Variants in PIGN observed in about 807,000 individuals in gnomAD.
PIGN encodes GPI ethanolamine phosphate transferase 1.
PIGN carries 117 observed loss-of-function variants against 125.4 expected under a neutral mutation model. The observed-to-expected ratio is 0.93, with a 90% CI of 0.80 to 1.09. The LOEUF (loss-of-function observed/expected upper bound fraction) is 1.09. Among genes scored for constraint, PIGN ranks in the 50% least tolerant of loss-of-function variants. PIGN has a pLI of 0.00. For missense variants in PIGN, 1,075 were observed against 1,094.9 expected (o/e 0.98, Z 0.26); for synonymous variants, 392 against 377.8 (o/e 1.04, Z -0.44).
chr18:62,060,991 C>A (rs1273897036), intron 30 of PIGN, among the ~76,000 whole-genome samples: 2 of 152,054 alleles, frequency 1.3e-5, no homozygotes, highest in Admixed American at 6.5e-5. Flanking sequence ...ATGGCCTGGG[C>A]AGGATATTTT....
intron 28 of PIGN, among the ~76,000 whole-genome samples, chr18:62,076,868 C>T (rs2033198916): frequency 6.6e-6 from 1 of 152,108 alleles, no homozygotes; most frequent in Non-Finnish European, 1.5e-5. Flanking sequence ...AATGGTCATC[C>T]AGTACAACCT....
chr18:62,169,729 T>A (rs1315069940), intron 1 of PIGN, among the ~76,000 whole-genome samples: 1 of 152,132 alleles, frequency 6.6e-6, no homozygotes, highest in Non-Finnish European at 1.5e-5. Context: ...CAAGTGATCC[T>A]CCCACCTCAG....
At chr18:62,077,946 T>TTA (rs2033257396) in intron 28 of PIGN, among the ~76,000 whole-genome samples, 2 of 152,218 alleles carry the variant, frequency 1.3e-5, no homozygotes, top group Admixed American at 6.5e-5. Flanking sequence ...TAGGTTCACA[T>TTA]GTTATCTCTT....
chr18:62,140,737 C>A (rs2036104651), intron 11 of PIGN, among the ~76,000 whole-genome samples: 1 of 152,034 alleles, frequency 6.6e-6, no homozygotes, highest in African/African-American at 2.4e-5. Context: ...ATTACTTATC[C>A]TATTAGCTAA....
At chr18:62,059,381 A>G (rs1047776999) in intron 30 of PIGN, among the ~76,000 whole-genome samples, 1 of 152,118 alleles carries the variant, frequency 6.6e-6, no homozygotes, top group African/African-American at 2.4e-5. Flanking sequence ...ATTAAAAGCA[A>G]CAAGGACCAT....
intron 29 of PIGN, 119 bp downstream of exon 29, chr18:62,074,660 C>A: frequency 1.7e-6 from 1 of 596,632 alleles, no homozygotes. Flanking sequence ...TAAATTATGC[C>A]AGCACTTACA....
intron 14 of PIGN, among the ~76,000 whole-genome samples, chr18:62,121,691 A>G (rs2035311787): frequency 6.6e-6 from 1 of 152,094 alleles, no homozygotes; most frequent in African/African-American, 2.4e-5. Flanking sequence ...GCTGCCAGTG[A>G]CAGGATTTCA....
At position 62,163,608 on chromosome 18, in the gene PIGN, A is replaced by C. The variant is rs886441660; in HGVS notation, c.-187T>G. ...TATGTTCAAAATTATAGGTCTCCAA[A>C]GGCTACAGCTCATCTCACTTTGCAC... On this transcript the variant is annotated 5_prime_UTR_variant, in exon 2 of 31. Coordinates refer to ENST00000640252, the MANE Select transcript of PIGN (RefSeq NM_176787.5). The C allele has an allele frequency of 3.3e-5, 5 of 152,218 alleles. No individual in the cohort carries two copies. Among genetic ancestry groups the C allele is most frequent in the Non-Finnish European group, 7.3e-5 (5 of 68,032 alleles). 9.4% of individuals were successfully genotyped at this position (152,218 alleles called of 1,614,324 possible). A position where few individuals can be genotyped will look rare whatever the true frequency, so the allele number is the denominator to read the frequency against.
At chr18:62,032,555 C>A (rs1441989625) in intron 23 of PIGN, among the ~76,000 whole-genome samples, 1 of 152,198 alleles carries the variant, frequency 6.6e-6, no homozygotes, top group Admixed American at 6.5e-5. Flanking sequence ...CTAGTTTCCA[C>A]ACCACCTGGT....
chr18:62,067,246 C>T (rs1275622580), intron 30 of PIGN, among the ~76,000 whole-genome samples: 1 of 152,108 alleles, frequency 6.6e-6, no homozygotes, highest in Non-Finnish European at 1.5e-5. Flanking sequence ...AAAGTCCCTC[C>T]TACTAACCAG....
intron 6 of PIGN, among the ~76,000 whole-genome samples, chr18:62,156,749 T>C (rs2036749630): frequency 1.3e-5 from 2 of 152,216 alleles, no homozygotes; most frequent in South Asian, 4.1e-4. Flanking sequence ...CTATGCTAAA[T>C]ATTTCACATG....
chr18:62,143,355 T>C lies in PIGN; in HGVS notation c.923-9A>G, dbSNP rs1377389497. The C allele has an allele frequency of 6.7e-6, 10 of 1,498,874 alleles. No homozygotes were observed. In the South Asian group the frequency reaches 1.1e-4, roughly 16 times the overall value. 92.8% of individuals were successfully genotyped at this position (1,498,874 alleles called of 1,614,324 possible). A position where few individuals can be genotyped will look rare whatever the true frequency, so the allele number is the denominator to read the frequency against. The stretch of plus-strand genomic sequence containing the variant: ...ATTCTCCAATCTCCACTCTGAAAGA[T>C]ACAATCAGACACAAGATCTGATGTT... On this transcript the variant is annotated splice_polypyrimidine_tract_variant and intron_variant, in intron 10 of 30. Transcript: ENST00000640252.
chr18:62,167,294 G>A (rs1270346726), intron 1 of PIGN, among the ~76,000 whole-genome samples: 201 of 12,884 alleles, frequency 0.016, 1 homozygote, highest in African/African-American at 0.041. Context: ...ATATGTGTGT[G>A]TGTGTGTGTG....
intron 14 of PIGN, among the ~76,000 whole-genome samples, chr18:62,129,012 T>C (rs571650532): frequency 2.3e-4 from 35 of 152,266 alleles, no homozygotes; most frequent in African/African-American, 7.9e-4. Context: ...AAAGCCAATA[T>C]TGGAAAGCAC....
At chr18:62,026,641 C>T (rs914792574) in intron 23 of PIGN, among the ~76,000 whole-genome samples, 10 of 152,322 alleles carry the variant, frequency 6.6e-5, no homozygotes, top group African/African-American at 2.4e-4. Flanking sequence ...TCTGTTATTA[C>T]TTCAAAATGT....
At chr18:62,097,047 G>A (rs2034238851) in intron 22 of PIGN, among the ~76,000 whole-genome samples, 1 of 150,704 alleles carries the variant, frequency 6.6e-6, no homozygotes, top group Non-Finnish European at 1.5e-5. Flanking sequence ...CAAAAGCAAT[G>A]GCAACAAAAG....
At chr18:62,167,112 A>G (rs1292111938) in intron 1 of PIGN, among the ~76,000 whole-genome samples, 1 of 152,118 alleles carries the variant, frequency 6.6e-6, no homozygotes, top group African/African-American at 2.4e-5. Flanking sequence ...TTCCACTAGA[A>G]TGTAAGCTCC....
chr18:62,160,805 A>G (rs1286840323), intron 4 of PIGN, among the ~76,000 whole-genome samples: 1 of 152,156 alleles, frequency 6.6e-6, no homozygotes, highest in African/African-American at 2.4e-5. Context: ...CACTGTGCCC[A>G]GCCAGCAGAC....
At chr18:62,133,550 G>T (rs1265927024) in intron 14 of PIGN, among the ~76,000 whole-genome samples, 1 of 152,040 alleles carries the variant, frequency 6.6e-6, no homozygotes, top group Non-Finnish European at 1.5e-5. Flanking sequence ...ACCATATTCA[G>T]TAAGTAATTT....
Sources: gnomAD v4.1 joint callset for allele counts (sites outside exome capture counted in the v4.1 genomes callset) on GRCh38, gnomAD v4.1.1 for gene constraint, MANE v1.5 for transcripts, NCBI Gene and HGNC (gene_info 2026-07-23, HGNC 2026-07-21) for gene names.